R3HDM1: variants seen among roughly 807,000 people sequenced by gnomAD.
R3HDM1 encodes the protein R3H domain containing 1, also known as R3H domain-containing protein 1.
In R3HDM1, 46 loss-of-function variants were observed where a neutral mutation model predicts 141.1. The ratio of observed to expected loss-of-function variants is 0.33; its 90% CI spans 0.26 to 0.42. R3HDM1 has a LOEUF of 0.42. Among genes scored for constraint, R3HDM1 ranks in the 10% least tolerant of loss-of-function variants. R3HDM1 has a pLI of 1.00. For synonymous variants in R3HDM1, 435 were observed against 472.9 expected (o/e 0.92, Z 1.04); for missense variants, 1,184 against 1,368.3 (o/e 0.87, Z 2.12).
At chr2:135,618,887 G>T (rs1342904762) in intron 5 of R3HDM1, among the ~76,000 whole-genome samples, 1 of 152,054 alleles carries the variant, frequency 6.6e-6, no homozygotes, top group East Asian at 1.9e-4. Context: ...AGGTGTGGTG[G>T]CACACGCCTG....
chr2:135,621,022 A>G (rs1223221388), intron 5 of R3HDM1, among the ~76,000 whole-genome samples: 2 of 152,060 alleles, frequency 1.3e-5, no homozygotes, highest in Non-Finnish European at 2.9e-5. Flanking sequence ...TAACATTTTT[A>G]TATGGTAGGA....
intron 5 of R3HDM1, among the ~76,000 whole-genome samples, chr2:135,618,471 T>C (rs2061263693): frequency 6.6e-6 from 1 of 151,178 alleles, no homozygotes; most frequent in Non-Finnish European, 1.5e-5. Flanking sequence ...TGATTTTTTT[T>C]TTTTTTTTTT....
At chr2:135,555,979 G>T (rs1170785635) in intron 1 of R3HDM1, among the ~76,000 whole-genome samples, 1 of 152,100 alleles carries the variant, frequency 6.6e-6, no homozygotes, top group Non-Finnish European at 1.5e-5. Context: ...TCTTGCCACT[G>T]TACTCCAACC....
intron 1 of R3HDM1, among the ~76,000 whole-genome samples, chr2:135,591,106 G>A (rs1709167564): frequency 6.6e-6 from 1 of 152,156 alleles, no homozygotes; most frequent in African/African-American, 2.4e-5. Flanking sequence ...GGTCATGTTA[G>A]ATCTACCAAT....
intron 1 of R3HDM1, among the ~76,000 whole-genome samples, chr2:135,533,427 C>T (rs569127702): frequency 1.3e-5 from 2 of 152,302 alleles, no homozygotes; most frequent in South Asian, 4.1e-4. Flanking sequence ...ACTTTCAGAT[C>T]TTGGGTGATT....
At chr2:135,575,517 G>A (rs1159741849) in intron 1 of R3HDM1, among the ~76,000 whole-genome samples, 1 of 152,154 alleles carries the variant, frequency 6.6e-6, no homozygotes, top group Non-Finnish European at 1.5e-5. Flanking sequence ...TAGTCAACCT[G>A]TAATATGGCT....
intron 18 of R3HDM1, among the ~76,000 whole-genome samples, chr2:135,653,175 A>T (rs1574725537): frequency 6.6e-6 from 1 of 151,786 alleles, no homozygotes; most frequent in African/African-American, 2.4e-5. Context: ...GGCCAACATG[A>T]TGAAACCCCT....
chr2:135,693,614 A>G (rs1022435171), intron 21 of R3HDM1, among the ~76,000 whole-genome samples: 1 of 152,210 alleles, frequency 6.6e-6, no homozygotes, highest in Non-Finnish European at 1.5e-5. Flanking sequence ...ACAAGTTCAG[A>G]TGGTTCATGA....
intron 23 of R3HDM1, among the ~76,000 whole-genome samples, chr2:135,712,029 T>G (rs1256467745): frequency 1.3e-5 from 2 of 150,936 alleles, no homozygotes; most frequent in Non-Finnish European, 3.0e-5. Flanking sequence ...ACTGAAATAT[T>G]TACAAGTAAA....
At chr2:135,696,263 A>G (rs988000392) in intron 21 of R3HDM1, among the ~76,000 whole-genome samples, 1 of 152,246 alleles carries the variant, frequency 6.6e-6, no homozygotes, top group African/African-American at 2.4e-5. Context: ...TTGATATTAT[A>G]GAAAATAACA....
At chr2:135,709,982 C>G in intron 22 of R3HDM1, 77 bp from the exon 23 acceptor site, 1 of 1,395,640 alleles carries the variant, frequency 7.2e-7, no homozygotes, top group Non-Finnish European at 9.8e-7. Flanking sequence ...AAAATTACTA[C>G]TGTTATCCTA....
intron 24 of R3HDM1, among the ~76,000 whole-genome samples, chr2:135,719,255 G>T (rs747781850): frequency 2.0e-5 from 3 of 152,034 alleles, no homozygotes; most frequent in Non-Finnish European, 4.4e-5. Flanking sequence ...GCCGCAGGAG[G>T]AACACCTAGC....
intron 1 of R3HDM1, among the ~76,000 whole-genome samples, chr2:135,594,520 C>G (rs1002584987): frequency 2.0e-5 from 3 of 152,154 alleles, no homozygotes; most frequent in African/African-American, 7.2e-5. Context: ...CCTGAATGTT[C>G]GTGTTGGCCT....
At chr2:135,532,912 A>G (rs531412845) in intron 1 of R3HDM1, among the ~76,000 whole-genome samples, 11 of 152,340 alleles carry the variant, frequency 7.2e-5, no homozygotes, top group Admixed American at 5.2e-4. Flanking sequence ...CATGGATTCT[A>G]TAGTCTGTAG....
chr2:135,693,717 G>A (rs563217795), intron 21 of R3HDM1, among the ~76,000 whole-genome samples: 7 of 152,200 alleles, frequency 4.6e-5, no homozygotes, highest in African/African-American at 1.7e-4. Context: ...AAGGAGAAAA[G>A]AATTCTTAGG....
chr2:135,686,622 G>C (rs960752738), intron 21 of R3HDM1, among the ~76,000 whole-genome samples: 1 of 152,168 alleles, frequency 6.6e-6, no homozygotes, highest in Admixed American at 6.5e-5. Flanking sequence ...TGTGAAGCTA[G>C]TCTACTCAGG....
At chr2:135,574,701 A>T (rs1276004041) in intron 1 of R3HDM1, among the ~76,000 whole-genome samples, 2 of 152,212 alleles carry the variant, frequency 1.3e-5, no homozygotes, top group African/African-American at 4.8e-5. Context: ...CCCTATTGAT[A>T]GATTTGTGAG....
Position 135,607,277 on chromosome 2 carries a change from G to T in R3HDM1, c.171+2261G>T, listed in dbSNP as rs956701080. 3.0e-6 allele frequency: 3 copies of T among 984,578 alleles called. No homozygotes were observed. In the African/African-American group the frequency reaches 5.2e-5, roughly 17 times the overall value. The allele number at this position is 984,578 out of a possible 1,614,324, so 61.0% of individuals were successfully genotyped here. ...GCTGAGATTACAGGCGTGAGCCACC[G>T]CTGCTGGCCAAGAAACCTGTTTTTA... is the stretch of plus-strand genomic sequence containing the variant. On this transcript the variant is annotated intron_variant, in intron 3 of 26. Transcript: ENST00000683871.
At chr2:135,646,558 G>C (rs1416738678) in intron 16 of R3HDM1, among the ~76,000 whole-genome samples, 1 of 151,712 alleles carries the variant, frequency 6.6e-6, no homozygotes, top group Non-Finnish European at 1.5e-5. Context: ...TATGAAAGAA[G>C]TATGATGGGC....
Sources: gnomAD v4.1 joint callset for allele counts (sites outside exome capture counted in the v4.1 genomes callset) on GRCh38, gnomAD v4.1.1 for gene constraint, MANE v1.5 for transcripts, NCBI Gene and HGNC (gene_info 2026-07-23, HGNC 2026-07-21) for gene names.